MPZL1: variants seen among roughly 807,000 people sequenced by gnomAD.
The protein encoded by MPZL1 is myelin protein zero-like protein 1.
In MPZL1, 16 loss-of-function variants were observed where a neutral mutation model predicts 29.3. The observed-to-expected ratio is 0.55, with a 90% CI of 0.37 to 0.83. The LOEUF (loss-of-function observed/expected upper bound fraction) is 0.83. Ranked by LOEUF, MPZL1 falls within the 40% of genes least tolerant of loss-of-function variation. The probability of loss-of-function intolerance (pLI) is 0.00; values close to 1 mark genes in which losing one functional copy is unlikely to be tolerated. For missense variants in MPZL1, 279 were observed against 332.9 expected (o/e 0.84, Z 1.26); for synonymous variants, 143 against 132.0 (o/e 1.08, Z -0.57).
chr1:167,779,777 A>ATGC (rs1282458943), intron 5 of MPZL1, among the ~76,000 whole-genome samples: 1 of 152,206 alleles, frequency 6.6e-6, no homozygotes, highest in Non-Finnish European at 1.5e-5. Context: ...TTAAAGATAT[A>ATGC]TGCTGCAAAT....
intron 5 of MPZL1, among the ~76,000 whole-genome samples, chr1:167,781,397 A>C (rs1661494535): frequency 6.6e-6 from 1 of 152,174 alleles, no homozygotes. Context: ...AATCATATAG[A>C]GTACGTTCTC....
At chr1:167,728,723 C>T (rs921672389) in intron 1 of MPZL1, among the ~76,000 whole-genome samples, 1 of 152,124 alleles carries the variant, frequency 6.6e-6, no homozygotes, top group Non-Finnish European at 1.5e-5. Context: ...AATTTTGTAG[C>T]AACAGTGATA....
At chr1:167,767,965 G>A (rs1462518469) in intron 2 of MPZL1, among the ~76,000 whole-genome samples, 1 of 151,692 alleles carries the variant, frequency 6.6e-6, no homozygotes, top group African/African-American at 2.4e-5. Context: ...AACCTTTGCT[G>A]GTTCTTCCTA....
Position 167,722,000 on chromosome 1 carries a change from G to T in MPZL1, c.-152G>T. On this transcript the variant is annotated 5_prime_UTR_variant, in exon 1 of 6. Transcript: ENST00000359523. ...CTTCGGTGCAGAGCTGGAGAGCCGC[G>T]GCTGGGACCGGAGTGGGGAGCGCGG... 1 of 1,127,962 alleles carries T rather than the reference G, an allele frequency of 8.9e-7. No individual in the cohort carries two copies. The highest frequency in any genetic ancestry group is 4.6e-5 in the South Asian group (1 of 21,868). 69.9% of individuals were successfully genotyped at this position (1,127,962 alleles called of 1,614,324 possible).
At chr1:167,749,359 A>G (rs1332524773) in intron 1 of MPZL1, among the ~76,000 whole-genome samples, 1 of 152,212 alleles carries the variant, frequency 6.6e-6, no homozygotes, top group African/African-American at 2.4e-5. Context: ...GTGAGTAGTA[A>G]TCTAAACTTC....
intron 5 of MPZL1, among the ~76,000 whole-genome samples, chr1:167,778,629 G>A (rs1192838462): frequency 6.6e-6 from 1 of 151,790 alleles, no homozygotes; most frequent in Non-Finnish European, 1.5e-5. Context: ...AAATCAATCA[G>A]AAACAAATTC....
At chr1:167,726,132 T>C (rs944598462) in intron 1 of MPZL1, among the ~76,000 whole-genome samples, 1 of 152,132 alleles carries the variant, frequency 6.6e-6, no homozygotes, top group Non-Finnish European at 1.5e-5. Context: ...CACCCCTTTC[T>C]CACTATATTC....
At chr1:167,754,344 G>T (rs546846755) in intron 1 of MPZL1, among the ~76,000 whole-genome samples, 1 of 152,288 alleles carries the variant, frequency 6.6e-6, no homozygotes, top group South Asian at 2.1e-4. Flanking sequence ...TATTTCATTT[G>T]TTTCCAAAGT....
intron 1 of MPZL1, among the ~76,000 whole-genome samples, chr1:167,730,830 A>G (rs981552975): frequency 6.6e-6 from 1 of 152,198 alleles, no homozygotes; most frequent in African/African-American, 2.4e-5. Flanking sequence ...AAACAGGCCC[A>G]GGCATCCAAA....
chr1:167,728,351 T>G (rs2101745641), intron 1 of MPZL1, among the ~76,000 whole-genome samples: 1 of 136,464 alleles, frequency 7.3e-6, no homozygotes, highest in South Asian at 2.3e-4. Flanking sequence ...CTTTTTTTTC[T>G]TTCTTTCTTT....
chr1:167,762,780 A>T (rs1661015686), intron 1 of MPZL1, among the ~76,000 whole-genome samples: 1 of 152,238 alleles, frequency 6.6e-6, no homozygotes, highest in Non-Finnish European at 1.5e-5. Flanking sequence ...GGAGAAGATA[A>T]ACAGACTAGG....
At chr1:167,738,516 G>A (rs1389289943) in intron 1 of MPZL1, among the ~76,000 whole-genome samples, 5 of 152,124 alleles carry the variant, frequency 3.3e-5, no homozygotes, top group Admixed American at 3.3e-4. Context: ...GTTTGGCTCT[G>A]TGTCCCCACC....
At chr1:167,775,652 C>A (rs1661350562) in intron 4 of MPZL1, among the ~76,000 whole-genome samples, 1 of 152,150 alleles carries the variant, frequency 6.6e-6, no homozygotes, top group African/African-American at 2.4e-5. Flanking sequence ...TTGATTATAA[C>A]AAAAGTGAAT....
intron 5 of MPZL1, among the ~76,000 whole-genome samples, chr1:167,777,048 A>C (rs541672119): frequency 6.6e-6 from 1 of 152,288 alleles, no homozygotes; most frequent in South Asian, 2.1e-4. Context: ...TGGGGCTAGA[A>C]CCCAGGTGTC....
At chr1:167,737,964 C>T (rs959924636) in intron 1 of MPZL1, among the ~76,000 whole-genome samples, 1 of 152,136 alleles carries the variant, frequency 6.6e-6, no homozygotes, top group Non-Finnish European at 1.5e-5. Context: ...GTCTTGCTCT[C>T]GCTCAGGCTG....
chr1:167,768,954 A>G (rs1661183138), intron 2 of MPZL1, among the ~76,000 whole-genome samples: 1 of 152,216 alleles, frequency 6.6e-6, no homozygotes, highest in Non-Finnish European at 1.5e-5. Context: ...TTTCTAGTGA[A>G]GAAGAGAGAG....
intron 1 of MPZL1, among the ~76,000 whole-genome samples, chr1:167,743,367 C>T (rs992984087): frequency 6.6e-6 from 1 of 151,834 alleles, no homozygotes; most frequent in African/African-American, 2.4e-5. Context: ...CACATCACGC[C>T]CAGCTAATTT....
chr1:167,767,748 C>A (rs1195886796), intron 2 of MPZL1, among the ~76,000 whole-genome samples: 3 of 141,838 alleles, frequency 2.1e-5, no homozygotes, highest in Non-Finnish European at 3.0e-5. Context: ...ATCCACATGT[C>A]TGAAACTGAA....
intron 1 of MPZL1, among the ~76,000 whole-genome samples, chr1:167,733,018 C>G (rs10918751): frequency 6.6e-6 from 1 of 152,006 alleles, no homozygotes; most frequent in Non-Finnish European, 1.5e-5. Flanking sequence ...AACTGGCACA[C>G]GTTTGGGAAT....
Sources: gnomAD v4.1 joint callset for allele counts (sites outside exome capture counted in the v4.1 genomes callset) on GRCh38, gnomAD v4.1.1 for gene constraint, MANE v1.5 for transcripts, NCBI Gene and HGNC (gene_info 2026-07-23, HGNC 2026-07-21) for gene names.